The following BPIFB3 variants were observed in gnomAD, a reference collection of about 807,000 sequenced individuals.
BPIFB3 encodes BPI fold-containing family B member 3.
A neutral mutation model predicts 53.1 loss-of-function variants in BPIFB3; 49 were observed. The observed-to-expected ratio is 0.92, with a 90% confidence interval of 0.73 to 1.17. The LOEUF is 1.17. BPIFB3 is among the 50% of genes most tolerant of loss of function. BPIFB3 has a pLI of 0.00. For missense variants in BPIFB3, 628 were observed against 592.5 expected (o/e 1.06, Z -0.62); for synonymous variants, 271 against 269.6 (o/e 1.01, Z -0.05).
At chr20:33,061,953 T>A in intron 5 of BPIFB3, 122 bp downstream of exon 6, 1 of 1,166,580 alleles carries the variant, frequency 8.6e-7, no homozygotes, top group Non-Finnish European at 1.2e-6. Flanking sequence ...CACACCCACC[T>A]GGTAATCCCA....
chr20:33,065,601 A>AAG (rs1568995143), intron 8 of BPIFB3, among the ~76,000 whole-genome samples: 32 of 151,180 alleles, frequency 2.1e-4, no homozygotes, highest in African/African-American at 7.6e-4. Context: ...AAGGAAGGAA[A>AAG]GAAGGAAGGA....
At position 33,063,797 on chromosome 20, in the gene BPIFB3, C is replaced by G. The variant is rs1600540522; in HGVS notation, c.652+122C>G. 4 of 997,386 alleles carry G rather than the reference C, an allele frequency of 4.0e-6. No homozygotes were observed. The African/African-American group carries it at 4.9e-5, about 12-fold the overall frequency. The allele number at this position is 997,386 out of a possible 1,614,324, so 61.8% of individuals were successfully genotyped here. ...ATCTCAGGGTCCTTTAGTTCCTCCT[C>G]ACACTGACAGGCTGCCCCTTTGAGG... On this transcript the variant is annotated intron_variant, in intron 6 of 14. Coordinates refer to ENST00000375494, the Ensembl canonical transcript of BPIFB3.
upstream of BPIFB3, among the ~76,000 whole-genome samples, chr20:33,054,871 G>A (rs1024519840): frequency 6.6e-6 from 1 of 152,220 alleles, no homozygotes; most frequent in Non-Finnish European, 1.5e-5. Flanking sequence ...GGAGGTGGGG[G>A]AAGGAGAAAG....
At chr20:33,058,551 G>C (rs1980311746) in intron 2 of BPIFB3, among the ~76,000 whole-genome samples, 1 of 152,136 alleles carries the variant, frequency 6.6e-6, no homozygotes, top group South Asian at 2.1e-4. Flanking sequence ...GCCGGGCAGA[G>C]AGTAAGTGTT....
chr20:33,071,557 C>T (rs1980895153), intron 12 of BPIFB3, among the ~76,000 whole-genome samples: 1 of 152,176 alleles, frequency 6.6e-6, no homozygotes. Flanking sequence ...CTTGGAACCT[C>T]ACAAAGTTGT....
chr20:33,055,148 C>T (rs1432582750), upstream of BPIFB3, among the ~76,000 whole-genome samples: 1 of 152,228 alleles, frequency 6.6e-6, no homozygotes, highest in Non-Finnish European at 1.5e-5. Context: ...TAGTCCCCTA[C>T]CCCTTTCGGT....
At chr20:33,059,849 G>T in intron 3 of BPIFB3, 42 bp from the exon 5 acceptor site, 1 of 1,603,046 alleles carries the variant, frequency 6.2e-7, no homozygotes, top group South Asian at 1.1e-5. Context: ...CCAAGGGTGG[G>T]AGCTGGCTGC....
intron 5 of BPIFB3, 133 bp downstream of exon 6, chr20:33,061,964 TC>T: frequency 9.3e-7 from 1 of 1,071,816 alleles, no homozygotes; most frequent in Middle Eastern, 2.0e-4. Context: ...GGTAATCCCA[TC>T]CGGGCCTGCT....
intron 8 of BPIFB3, among the ~76,000 whole-genome samples, chr20:33,065,300 G>T (rs1980624107): frequency 1.3e-5 from 2 of 152,260 alleles, no homozygotes; most frequent in Non-Finnish European, 2.9e-5. Context: ...CACTTTGGGA[G>T]GCTGATGTGG....
chr20:33,065,563 GA>G (rs891679554), intron 8 of BPIFB3, among the ~76,000 whole-genome samples: 14 of 57,840 alleles, frequency 2.4e-4, no homozygotes, highest in Admixed American at 8.0e-4. Flanking sequence ...AAAAGAAAAA[GA>G]AAGAAAGAGA....
chr20:33,073,580 C>G (rs777030919), exon 15 of BPIFB3: 32 of 1,613,964 alleles, frequency 2.0e-5, no homozygotes, highest in Non-Finnish European at 2.7e-5. Flanking sequence ...TTACAGAATG[C>G]TGTTGTGCTG....
At chr20:33,060,165 G>C in intron 4 of BPIFB3, 134 bp downstream of exon 5, 1 of 1,228,052 alleles carries the variant, frequency 8.1e-7, no homozygotes, top group South Asian at 1.5e-5. Flanking sequence ...TTGTCCCGCC[G>C]GTTTCAACCC....
rs925632088 is a variant in BPIFB3, at chr20:33,069,038, G to A, written c.1149+65G>A. 100 of 1,525,350 alleles carry A rather than the reference G, an allele frequency of 6.6e-5. 2 individuals are homozygous for A. The South Asian group carries it at 1.1e-3, about 17-fold the overall frequency. 94.5% of individuals were successfully genotyped at this position (1,525,350 alleles called of 1,614,324 possible). A position where few individuals can be genotyped will look rare whatever the true frequency, so the allele number is the denominator to read the frequency against. ...TTCCAAATGGGGGTGACTGTCTCCA[G>A]GACTGTGGAGGTACCGTCCCCCTGA... On this transcript the variant is annotated intron_variant, in intron 10 of 14. Transcript: ENST00000375494.
At chr20:33,073,024 G>A (rs187675420) in intron 14 of BPIFB3, among the ~76,000 whole-genome samples, 52 of 152,242 alleles carry the variant, frequency 3.4e-4, no homozygotes, top group African/African-American at 1.1e-3. Context: ...AATCAATCAC[G>A]GAGTTCTTTC....
At chr20:33,059,426 G>A (rs1325996398) in exon 3 of BPIFB3, 4 of 1,613,026 alleles carry the variant, frequency 2.5e-6, no homozygotes, top group Admixed American at 3.3e-5. Context: ...TGAAGCTGCT[G>A]CCGGGATTTG....
intron 9 of BPIFB3, among the ~76,000 whole-genome samples, chr20:33,067,771 C>T (rs372826988): frequency 6.6e-6 from 1 of 152,170 alleles, no homozygotes; most frequent in African/African-American, 2.4e-5. Context: ...CTGGGCTTGT[C>T]TCTGGAGGCT....
chr20:33,071,139 G>T, intron 11 of BPIFB3, 114 bp from the exon 13 acceptor site: 1 of 1,128,692 alleles, frequency 8.9e-7, no homozygotes, highest in Non-Finnish European at 1.3e-6. Context: ...GAGGCAGAGT[G>T]TTGGGCTGGT....
chr20:33,055,436 A>T, exon 1 of BPIFB3: 1 of 1,613,638 alleles, frequency 6.2e-7, no homozygotes, highest in Non-Finnish European at 8.5e-7. Flanking sequence ...GCAGCCAGTC[A>T]TGCTGGCCCT....
chr20:33,053,982 C>G (rs540364342), upstream of BPIFB3, among the ~76,000 whole-genome samples: 1 of 152,274 alleles, frequency 6.6e-6, no homozygotes, highest in Non-Finnish European at 1.5e-5. Flanking sequence ...CAGCCTGAGG[C>G]AGCCCTGCTC....
Sources: gnomAD v4.1 joint callset for allele counts (sites outside exome capture counted in the v4.1 genomes callset) on GRCh38, gnomAD v4.1.1 for gene constraint, MANE v1.5 for transcripts, NCBI Gene and HGNC (gene_info 2026-07-23, HGNC 2026-07-21) for gene names.